Variants in IFNLR1 observed in about 807,000 individuals in gnomAD.
The protein encoded by IFNLR1 is CRF2-12.
A neutral mutation model predicts 52.5 loss-of-function variants in IFNLR1; 28 were observed. The observed-to-expected ratio is 0.53, with a 90% confidence interval of 0.40 to 0.73. The LOEUF is 0.73. Among genes scored for constraint, IFNLR1 ranks in the 30% least tolerant of loss-of-function variants. IFNLR1 has a pLI of 0.00. For missense variants in IFNLR1, 623 were observed against 659.1 expected, an observed-to-expected ratio of 0.95 and a Z score of 0.60; for synonymous variants, 276 against 274.9, an observed-to-expected ratio of 1.00 and a Z score of -0.04.
intron 3 of IFNLR1, 103 bp from the exon 4 acceptor site, chr1:24,161,787 G>T: frequency 3.4e-6 from 4 of 1,171,138 alleles, no homozygotes; most frequent in Non-Finnish European, 4.7e-6. Flanking sequence ...CAACTAGCAT[G>T]TTTCAAACAC....
chr1:24,180,688 C>CCCCCCAGTCTT, intron 2 of IFNLR1, 43 bp downstream of exon 2: 1 of 1,368,412 alleles, frequency 7.3e-7, no homozygotes, highest in Non-Finnish European at 1.0e-6. Flanking sequence ...CCCCACCCAC[C>CCCCCCAGTCTT]CCCTCAGTCT....
intron 1 of IFNLR1, among the ~76,000 whole-genome samples, chr1:24,182,918 C>T (rs1424981678): frequency 6.7e-6 from 1 of 150,102 alleles, no homozygotes; most frequent in African/African-American, 2.5e-5. Context: ...GACTCCATCT[C>T]AAATAAATAA....
chr1:24,165,045 G>A (rs964057832), intron 3 of IFNLR1, among the ~76,000 whole-genome samples: 2 of 152,200 alleles, frequency 1.3e-5, no homozygotes, highest in Admixed American at 6.5e-5. Context: ...TTACAGGCAT[G>A]AGCCACTGTG....
At chr1:24,163,218 T>C (rs1485175079) in intron 3 of IFNLR1, among the ~76,000 whole-genome samples, 2 of 152,060 alleles carry the variant, frequency 1.3e-5, no homozygotes, top group Non-Finnish European at 2.9e-5. Flanking sequence ...CGCAAAGTGC[T>C]GAGTGGCATA....
intron 2 of IFNLR1, among the ~76,000 whole-genome samples, chr1:24,178,980 G>A (rs1188672547): frequency 6.6e-6 from 1 of 152,046 alleles, no homozygotes; most frequent in Non-Finnish European, 1.5e-5. Flanking sequence ...TTGCTCTGTT[G>A]TTCAGGTTGG....
intron 4 of IFNLR1, among the ~76,000 whole-genome samples, chr1:24,160,595 T>A (rs1644432086): frequency 6.6e-6 from 1 of 152,316 alleles, no homozygotes; most frequent in South Asian, 2.1e-4. Flanking sequence ...CACGCTGGAT[T>A]CGGATCTATA....
chr1:24,160,954 G>A (rs1644436292), intron 4 of IFNLR1, among the ~76,000 whole-genome samples: 2 of 151,818 alleles, frequency 1.3e-5, no homozygotes, highest in Admixed American at 6.6e-5. Flanking sequence ...GAACTCCTGG[G>A]CTAAGGTAAT....
At chr1:24,177,769 G>T (rs1644647919) in intron 2 of IFNLR1, among the ~76,000 whole-genome samples, 1 of 152,164 alleles carries the variant, frequency 6.6e-6, no homozygotes, top group Non-Finnish European at 1.5e-5. Context: ...GGCGAAAAGA[G>T]CAAGAAACTA....
At chr1:24,176,768 C>G (rs1241928770) in intron 2 of IFNLR1, among the ~76,000 whole-genome samples, 3 of 152,154 alleles carry the variant, frequency 2.0e-5, no homozygotes, top group Admixed American at 6.5e-5. Context: ...AAGAAAAAGA[C>G]AAGTATTCTC....
chr1:24,186,363 C>T (rs1304939779), intron 1 of IFNLR1, among the ~76,000 whole-genome samples: 1 of 152,160 alleles, frequency 6.6e-6, no homozygotes, highest in Non-Finnish European at 1.5e-5. Context: ...GTTTTCCCAT[C>T]GGAAAAGTAA....
chr1:24,168,387 G>A (rs375401873), intron 3 of IFNLR1, among the ~76,000 whole-genome samples: 1 of 152,086 alleles, frequency 6.6e-6, no homozygotes, highest in East Asian at 1.9e-4. Flanking sequence ...TCAGCTCTCT[G>A]AGGACACTGT....
chr1:24,159,206 A>T (rs1345836414), intron 5 of IFNLR1, 24 bp from the exon 6 acceptor site: 1 of 1,613,544 alleles, frequency 6.2e-7, no homozygotes, highest in African/African-American at 1.3e-5. Flanking sequence ...AATAACAATG[A>T]GAGAAACAAC....
chr1:24,169,373 T>C (rs1215859151), intron 3 of IFNLR1, 44 bp downstream of exon 3: 3 of 1,554,068 alleles, frequency 1.9e-6, no homozygotes, highest in Admixed American at 1.7e-5. Context: ...AGCTCCCCGA[T>C]GGGATGGACA....
rs543497286 is a variant in IFNLR1 at position 24,174,338 on chromosome 1, T to C, written c.183-4737A>G. Among the ~76,000 whole-genome samples the C allele has an allele frequency of 2.0e-5, 3 of 152,324 alleles. No homozygotes were observed. The East Asian group carries it at 5.8e-4, about 29-fold the overall frequency. ...GCAGCCCTAGCAAACCAGTGCAGAT[T>C]TGGGCACCAGAAATGAGGTGCTGAG... On this transcript the variant is annotated intron_variant, in intron 2 of 6. Coordinates refer to ENST00000327535, the MANE Select transcript of IFNLR1 (RefSeq NM_170743.4).
intron 2 of IFNLR1, among the ~76,000 whole-genome samples, chr1:24,170,172 C>T (rs11249017): frequency 0.52 from 78,874 of 152,108 alleles, 22,622 homozygotes; most frequent in East Asian, 0.88. Context: ...GCCGCCCTTA[C>T]CAGAACGGAG....
At position 24,159,660 on chromosome 1, in the gene IFNLR1, C is replaced by T. The variant is rs148768451; in HGVS notation, c.511-27G>A. On this transcript the variant is annotated intron_variant, in intron 4 of 6. Coordinates refer to ENST00000327535, the MANE Select transcript of IFNLR1 (RefSeq NM_170743.4). The stretch of plus-strand genomic sequence containing the variant: ...TGTTTGGAAAAGAAGCAGAGAGTGG[C>T]AGAGCTGCTGTGGGGACTGGTTTCA... 91 of 1,610,154 alleles carry T rather than the reference C, an allele frequency of 5.7e-5. No homozygotes were observed. The African/African-American group carries it at 6.8e-4, about 12-fold the overall frequency.
chr1:24,187,135 G>A, intron 1 of IFNLR1, 56 bp downstream of exon 1: 1 of 1,196,776 alleles, frequency 8.4e-7, no homozygotes, highest in Non-Finnish European at 1.1e-6. Flanking sequence ...GAGGGTAGGC[G>A]CGGCCCGGCC....
chr1:24,181,045 C>T (rs1448280550), intron 1 of IFNLR1, among the ~76,000 whole-genome samples, 191 bp from the exon 2 acceptor site: 4 of 152,128 alleles, frequency 2.6e-5, no homozygotes, highest in Non-Finnish European at 5.9e-5. Flanking sequence ...GAGGCTCCTG[C>T]ACACTCTGGG....
intron 2 of IFNLR1, among the ~76,000 whole-genome samples, chr1:24,172,538 A>G (rs1644591675): frequency 6.6e-6 from 1 of 152,200 alleles, no homozygotes; most frequent in Admixed American, 6.5e-5. Flanking sequence ...ACAAATTAAC[A>G]CAATAGATGA....
Sources: gnomAD v4.1 joint callset for allele counts (sites outside exome capture counted in the v4.1 genomes callset) on GRCh38, gnomAD v4.1.1 for gene constraint, MANE v1.5 for transcripts, NCBI Gene and HGNC (gene_info 2026-07-23, HGNC 2026-07-21) for gene names.